The following PHF14 variants were observed in gnomAD, a reference collection of about 807,000 sequenced individuals.
PHF14 encodes PHD finger protein 14.
Under a neutral mutation model 117.9 loss-of-function variants are expected in PHF14, and 55 were observed. The observed-to-expected ratio is 0.47, with a 90% confidence interval of 0.38 to 0.58. The LOEUF is 0.58. PHF14 is among the 20% of genes least tolerant of loss of function. The pLI, the probability that PHF14 is intolerant of heterozygous loss-of-function variation, is 0.00. For synonymous variants in PHF14, 409 were observed against 368.6 expected, an observed-to-expected ratio of 1.11 and a Z score of -1.26; for missense variants, 978 against 1,122.2, an observed-to-expected ratio of 0.87 and a Z score of 1.84.
chr7:11,106,685 T>G, intron 16 of PHF14: 48 of 984,342 alleles, frequency 4.9e-5, no homozygotes, highest in Non-Finnish European at 5.8e-5. Flanking sequence ...GCGTAGATGT[T>G]TGAGCTGCTA....
chr7:11,009,629 A>T (rs1169498432), intron 4 of PHF14, among the ~76,000 whole-genome samples: 2 of 152,256 alleles, frequency 1.3e-5, no homozygotes, highest in Non-Finnish European at 2.9e-5. Context: ...ATTGGAGCAG[A>T]TATACAGTGC....
At chr7:11,054,210 A>G (rs1784941694) in intron 14 of PHF14, among the ~76,000 whole-genome samples, 1 of 151,984 alleles carries the variant, frequency 6.6e-6, no homozygotes, top group South Asian at 2.1e-4. Flanking sequence ...CATCTTGGGT[A>G]TTTGTTGAAA....
chr7:11,071,590 T>G (rs1295759563), intron 16 of PHF14, among the ~76,000 whole-genome samples: 5 of 152,196 alleles, frequency 3.3e-5, no homozygotes, highest in African/African-American at 1.2e-4. Flanking sequence ...TTAGTACATT[T>G]GTCATTGTTC....
At chr7:11,152,148 T>C (rs1234732537) in intron 17 of PHF14, among the ~76,000 whole-genome samples, 2 of 150,590 alleles carry the variant, frequency 1.3e-5, no homozygotes, top group African/African-American at 4.9e-5. Context: ...TTAAGATAAC[T>C]GAATAATAAT....
At chr7:11,124,946 A>G (rs572268777) in intron 17 of PHF14, among the ~76,000 whole-genome samples, 10 of 152,292 alleles carry the variant, frequency 6.6e-5, no homozygotes, top group East Asian at 3.9e-4. Flanking sequence ...ACACAAAGAT[A>G]TTTTAAAACA....
chr7:11,149,228 A>G (rs1349160248), intron 17 of PHF14, among the ~76,000 whole-genome samples: 2 of 152,138 alleles, frequency 1.3e-5, no homozygotes, highest in Admixed American at 1.3e-4. Flanking sequence ...CATAGGATGC[A>G]CACACACAAA....
intron 2 of PHF14, among the ~76,000 whole-genome samples, chr7:10,976,683 G>A (rs1171942694): frequency 6.6e-6 from 1 of 151,914 alleles, no homozygotes; most frequent in Non-Finnish European, 1.5e-5. Context: ...ATCGAGCTAA[G>A]TAGAGATTTC....
chr7:11,102,025 A>G (rs1189757604), intron 16 of PHF14, among the ~76,000 whole-genome samples: 10 of 151,872 alleles, frequency 6.6e-5, no homozygotes. Context: ...ATTTGAGTAT[A>G]ACCAGCACTG....
At chr7:11,093,889 G>A (rs1786743251) in intron 16 of PHF14, among the ~76,000 whole-genome samples, 1 of 152,054 alleles carries the variant, frequency 6.6e-6, no homozygotes, top group Admixed American at 6.6e-5. Context: ...GTAGTATACT[G>A]GGCCCAGAAA....
chr7:11,151,827 A>T (rs544062666), intron 17 of PHF14, among the ~76,000 whole-genome samples: 1 of 152,272 alleles, frequency 6.6e-6, no homozygotes, highest in African/African-American at 2.4e-5. Context: ...TGAGAAAGCC[A>T]CTATATGAGT....
chr7:11,125,656 T>G (rs1477930201), intron 17 of PHF14, among the ~76,000 whole-genome samples: 1 of 152,080 alleles, frequency 6.6e-6, no homozygotes, highest in Non-Finnish European at 1.5e-5. Context: ...TTTCCACCTG[T>G]GACCTAGCTC....
intron 17 of PHF14, among the ~76,000 whole-genome samples, chr7:11,166,992 T>C (rs28477426): frequency 0.023 from 3,578 of 152,282 alleles, 123 homozygotes; most frequent in African/African-American, 0.081. Context: ...ATATATCTTA[T>C]CCATATATTT....
intron 16 of PHF14, among the ~76,000 whole-genome samples, chr7:11,078,309 T>A: frequency 6.6e-6 from 1 of 152,150 alleles, no homozygotes. Flanking sequence ...TTAATATTTA[T>A]CTTAGTGAAT....
chr7:11,112,700 G>A (rs945121448), intron 17 of PHF14, among the ~76,000 whole-genome samples: 3 of 151,922 alleles, frequency 2.0e-5, no homozygotes, highest in Non-Finnish European at 4.4e-5. Flanking sequence ...GAACCCGGGA[G>A]GCAGAGGTTG....
chr7:10,994,283 C>A (rs1782556879), intron 4 of PHF14, among the ~76,000 whole-genome samples: 2 of 151,380 alleles, frequency 1.3e-5, no homozygotes, highest in African/African-American at 4.9e-5. Flanking sequence ...ACTAAAAATA[C>A]AAAAAATTAG....
intron 17 of PHF14, among the ~76,000 whole-genome samples, chr7:11,139,382 A>C (rs1209157026): frequency 6.6e-6 from 1 of 152,136 alleles, no homozygotes; most frequent in Non-Finnish European, 1.5e-5. Flanking sequence ...TACATGACTT[A>C]GTGTCATTTG....
In PHF14 at chr7:11,143,403, G is replaced by C. The variant is rs539916034; in HGVS notation, c.2773-26013G>C. Among the ~76,000 whole-genome samples, 41 of 152,082 alleles carry C rather than the reference G, an allele frequency of 2.7e-4. No individual in the cohort carries two copies. The South Asian group carries it at 8.3e-3, about 31-fold the overall frequency. On this transcript the variant is annotated intron_variant, in intron 17 of 17. Coordinates refer to ENST00000634607, the MANE Select transcript of PHF14 (RefSeq NM_001007157.2). Reference sequence around the variant, plus strand: ...CCGAAAATGCTAGGATTATAGGCATGAGCCACCATGCCCAGCCAATTTTTT... The same window carrying C: ...CCGAAAATGCTAGGATTATAGGCATCAGCCACCATGCCCAGCCAATTTTTT...
intron 17 of PHF14, among the ~76,000 whole-genome samples, chr7:11,114,280 A>C (rs912048176): frequency 6.6e-6 from 1 of 152,062 alleles, no homozygotes; most frequent in African/African-American, 2.4e-5. Context: ...AATGAATTGC[A>C]CTTTAACATT....
chr7:11,157,116 C>G (rs985693890), intron 17 of PHF14, among the ~76,000 whole-genome samples: 2 of 152,148 alleles, frequency 1.3e-5, no homozygotes, highest in African/African-American at 2.4e-5. Context: ...TTGCATGCCT[C>G]TCTACCACAC....
Sources: allele counts gnomAD v4.1 joint callset (sites outside exome capture counted in the v4.1 genomes callset), GRCh38; gene constraint gnomAD v4.1.1; transcripts MANE v1.5; gene names NCBI Gene and HGNC (gene_info 2026-07-23, HGNC 2026-07-21).